The following PTPN11 variants were observed in gnomAD, a reference collection of about 807,000 sequenced individuals.
The protein encoded by PTPN11 is protein tyrosine phosphatase non-receptor type 11.
A neutral mutation model predicts 78.8 loss-of-function variants in PTPN11; 6 were observed. The observed-to-expected ratio is 0.08, with a 90% CI of 0.04 to 0.15. The LOEUF (loss-of-function observed/expected upper bound fraction) is 0.15, where lower values mean the gene tolerates loss of function less well. PTPN11 is among the 10% of genes least tolerant of loss of function. The pLI, the probability that PTPN11 is intolerant of heterozygous loss-of-function variation, is 1.00. For synonymous variants in PTPN11, 221 were observed against 263.5 expected (o/e 0.84, Z 1.56); for missense variants, 386 against 744.8 (o/e 0.52, Z 5.61).
chr12:112,429,036 C>A (rs756988132), intron 1 of PTPN11, among the ~76,000 whole-genome samples: 19 of 152,132 alleles, frequency 1.2e-4, no homozygotes, highest in Admixed American at 9.2e-4. Flanking sequence ...CGTGAGCCAC[C>A]GCGTCCGGCC....
At chr12:112,490,752 TG>T (rs753264747) in intron 13 of PTPN11, among the ~76,000 whole-genome samples, 8 of 152,188 alleles carry the variant, frequency 5.3e-5, no homozygotes, top group Non-Finnish European at 7.3e-5. Flanking sequence ...CAGTGACCTC[TG>T]GGTTTTAAAA....
chr12:112,442,067 G>A (rs1451777785), intron 1 of PTPN11, among the ~76,000 whole-genome samples: 9 of 152,134 alleles, frequency 5.9e-5, no homozygotes, highest in African/African-American at 1.7e-4. Context: ...GTGAGCCACC[G>A]CGCCTGCCCA....
intron 1 of PTPN11, among the ~76,000 whole-genome samples, chr12:112,439,322 C>T (rs1176996947): frequency 1.3e-5 from 2 of 152,056 alleles, no homozygotes; most frequent in African/African-American, 4.8e-5. Context: ...GAGACAGAGT[C>T]TCCCTCTTTT....
intron 2 of PTPN11, among the ~76,000 whole-genome samples, chr12:112,449,733 A>G (rs940771804): frequency 1.3e-5 from 2 of 152,146 alleles, no homozygotes; most frequent in African/African-American, 4.8e-5. Context: ...TTGTCACTTA[A>G]TATATGCAAT....
chr12:112,430,604 C>CTT (rs112147637), intron 1 of PTPN11, among the ~76,000 whole-genome samples: 9 of 143,488 alleles, frequency 6.3e-5, no homozygotes, highest in Non-Finnish European at 7.7e-5. Flanking sequence ...AATTACAAAA[C>CTT]TTTTTTTTTT....
At chr12:112,477,763 A>G (rs372100307) in intron 8 of PTPN11, 33 bp downstream of exon 8, 2 of 1,605,116 alleles carry the variant, frequency 1.2e-6, no homozygotes, top group African/African-American at 1.3e-5. Context: ...TTTTCTGACC[A>G]TACATTTCTA....
intron 5 of PTPN11, among the ~76,000 whole-genome samples, chr12:112,454,976 T>A (rs1190001960): frequency 6.7e-6 from 1 of 149,562 alleles, no homozygotes; most frequent in Non-Finnish European, 1.5e-5. Flanking sequence ...CCCACCACCA[T>A]GCCCGGCTAG....
At chr12:112,473,532 A>G (rs2038451703) in intron 7 of PTPN11, among the ~76,000 whole-genome samples, 1 of 152,082 alleles carries the variant, frequency 6.6e-6, no homozygotes, top group Admixed American at 6.6e-5. Flanking sequence ...GAGAAAGGGT[A>G]TATACCTAAA....
chr12:112,436,152 C>G (rs1157078019), intron 1 of PTPN11, among the ~76,000 whole-genome samples: 1 of 152,002 alleles, frequency 6.6e-6, no homozygotes, highest in African/African-American at 2.4e-5. Context: ...GTACCAATAT[C>G]GGGCTAAGTA....
chr12:112,443,359 CT>C (rs546004663), intron 1 of PTPN11, among the ~76,000 whole-genome samples: 288 of 138,432 alleles, frequency 2.1e-3, no homozygotes, highest in Middle Eastern at 3.6e-3. Context: ...ATGGTTGTAT[CT>C]TTTTTTTTTT....
At chr12:112,481,334 C>T (rs1480045391) in intron 9 of PTPN11, among the ~76,000 whole-genome samples, 3 of 152,202 alleles carry the variant, frequency 2.0e-5, no homozygotes, top group African/African-American at 7.2e-5. Flanking sequence ...CCAGCACTCT[C>T]ACATTGGTTG....
chr12:112,485,794 T>G (rs1168232231), intron 10 of PTPN11, among the ~76,000 whole-genome samples: 1 of 152,004 alleles, frequency 6.6e-6, no homozygotes, highest in Admixed American at 6.6e-5. Context: ...CTGGCCAATA[T>G]GGCGAAAGAA....
rs954862332 is a variant in PTPN11 at position 112,486,363 on chromosome 12, C to T, written c.1225-112C>T. The stretch of plus-strand genomic sequence containing the variant: ...TCACGAAGAGGACCTTTCAGTGGAA[C>T]CTGGGGAGATTCTCTTCCTCTCCAT... On this transcript the variant is annotated intron_variant, in intron 10 of 15. Coordinates refer to ENST00000351677, the MANE Select transcript of PTPN11 (RefSeq NM_002834.5). 3 of 1,143,720 alleles carry T rather than the reference C, an allele frequency of 2.6e-6. No individual in the cohort carries two copies. The African/African-American group carries it at 4.6e-5, about 17-fold the overall frequency. The allele number at this position is 1,143,720 out of a possible 1,614,324, so 70.8% of individuals were successfully genotyped here.
intron 6 of PTPN11, among the ~76,000 whole-genome samples, chr12:112,470,458 G>A (rs2135891291): frequency 6.6e-6 from 1 of 152,336 alleles, no homozygotes; most frequent in South Asian, 2.1e-4. Context: ...AGGCAAAGTA[G>A]CTTGGCGAAA....
rs563023065 is a variant in PTPN11 at position 112,423,209 on chromosome 12, G to A, written c.14+4084G>A. On this transcript the variant is annotated intron_variant, in intron 1 of 15. Coordinates refer to ENST00000351677, the MANE Select transcript of PTPN11 (RefSeq NM_002834.5). Reference sequence around the variant, plus strand: ...AAAATACTATCCATGTTCGCGAGGAGCACTGAATTTAGAGAGGGAGACAGA... The same window carrying A: ...AAAATACTATCCATGTTCGCGAGGAACACTGAATTTAGAGAGGGAGACAGA... 2.0e-5 allele frequency among the ~76,000 whole-genome samples: 3 copies of A among 152,310 alleles called. No homozygotes were observed. In the South Asian group the frequency reaches 6.2e-4, roughly 32 times the overall value.
In PTPN11 at chr12:112,450,328, G is replaced by A. The variant is rs587778636; in HGVS notation, c.148G>A (p.Ala50Thr). The change falls in exon 3 of 16, where the codon GCT (alanine) becomes ACT (threonine). Residue 50 changes from alanine to threonine, a missense_variant. Physicochemically the swap from Ala to Thr is moderately conservative, Grantham distance 58. Around this residue, in one of 3 missense-constraint regions of PTPN11, gnomAD observed 279 missense variants for 503.3 expected, o/e 0.55. Transcript: ENST00000351677. Reference sequence around the variant, plus strand: ...AATGGACTATTTTAGAAGAAATGGAGCTGTCACCCACATCAAGATTCAGAA... The same window carrying A: ...AATGGACTATTTTAGAAGAAATGGAACTGTCACCCACATCAAGATTCAGAA... Reference protein sequence around the residue: ...DFTLSVRRNGAVTHIKIQNTG... With the variant: ...DFTLSVRRNGTVTHIKIQNTG... The A allele has an allele frequency of 6.2e-6, 10 of 1,609,376 alleles. No homozygotes were observed. In the East Asian group the frequency reaches 2.2e-4, roughly 36 times the overall value.
intron 5 of PTPN11, 48 bp downstream of exon 5, chr12:112,454,728 A>G (rs1289761526): frequency 7.1e-7 from 1 of 1,409,840 alleles, no homozygotes; most frequent in Admixed American, 1.7e-5. Context: ...ACTTAAAACA[A>G]ATCCTAATAG....
chr12:112,449,217 T>C (rs2038041473), intron 2 of PTPN11, among the ~76,000 whole-genome samples: 1 of 148,472 alleles, frequency 6.7e-6, no homozygotes, highest in Admixed American at 6.7e-5. Flanking sequence ...AATTGCTGCA[T>C]AGTGGCCGGG....
intron 1 of PTPN11, 43 bp downstream of exon 1, chr12:112,419,168 A>ACCG: frequency 6.7e-7 from 1 of 1,482,402 alleles, no homozygotes; most frequent in Non-Finnish European, 8.9e-7. Flanking sequence ...CGGCCCGGCC[A>ACCG]CCGCCGCGTT....
Sources: allele counts gnomAD v4.1 joint callset (sites outside exome capture counted in the v4.1 genomes callset), GRCh38; gene constraint gnomAD v4.1.1; regional missense constraint gnomAD v4.1.1; transcripts MANE v1.5; gene names NCBI Gene and HGNC (gene_info 2026-07-23, HGNC 2026-07-21).